Variants in RDH13 observed in about 807,000 individuals in gnomAD.
RDH13 encodes retinol dehydrogenase 13.
A neutral mutation model predicts 28.3 loss-of-function variants in RDH13; 35 were observed. The ratio of observed to expected loss-of-function variants is 1.24; its 90% CI spans 0.95 to 1.64. The LOEUF (loss-of-function observed/expected upper bound fraction) is 1.64, where lower values mean the gene tolerates loss of function less well. Ranked by LOEUF, RDH13 falls within the 40% of genes most tolerant of loss-of-function variation. The probability of loss-of-function intolerance (pLI) is 0.00; values close to 1 mark genes in which losing one functional copy is unlikely to be tolerated. For synonymous variants in RDH13, 229 were observed against 198.5 expected (o/e 1.15, Z -1.29); for missense variants, 514 against 446.3 (o/e 1.15, Z -1.37).
At chr19:55,066,692 T>C (rs2075969257), upstream of RDH13, among the ~76,000 whole-genome samples, 1 of 150,760 alleles carries the variant, frequency 6.6e-6, no homozygotes, top group African/African-American at 2.4e-5. Context: ...TTCCTCTCTC[T>C]CCTTCTTTCT....
At chr19:55,041,594 G>C (rs2075031894), downstream of RDH13, 1 of 152,262 alleles carries the variant, frequency 6.6e-6, no homozygotes, top group African/African-American at 2.4e-5. Flanking sequence ...GGGTTGCCAT[G>C]GCAGAAGATG....
rs528747549 is a variant in RDH13, at chr19:55,056,542, T to C, written c.340+111A>G. 36 of 1,384,494 alleles carry C rather than the reference T, an allele frequency of 2.6e-5. No homozygotes were observed. The South Asian group carries it at 3.3e-4, about 13-fold the overall frequency. The allele number at this position is 1,384,494 out of a possible 1,614,324, so 85.8% of individuals were successfully genotyped here. On this transcript the variant is annotated intron_variant, in intron 3 of 6. Coordinates refer to ENST00000415061, the MANE Select transcript of RDH13 (RefSeq NM_001145971.2). ...GCAACTGGACTTGGCCCCTAACTCATAGTTTGCCAAAACTCTGCTCTAAAG... is the reference window on the plus strand; with the variant it reads ...GCAACTGGACTTGGCCCCTAACTCACAGTTTGCCAAAACTCTGCTCTAAAG...
chr19:55,060,651 G>A (rs1159387283), intron 1 of RDH13, among the ~76,000 whole-genome samples: 1 of 152,080 alleles, frequency 6.6e-6, no homozygotes, highest in Non-Finnish European at 1.5e-5. Context: ...CACCCAACTA[G>A]AAATACCCAC....
intron 3 of RDH13, among the ~76,000 whole-genome samples, chr19:55,053,066 TTGCTTTGTG>T (rs1347799212): frequency 2.6e-5 from 4 of 152,290 alleles, no homozygotes; most frequent in African/African-American, 9.6e-5. Flanking sequence ...CTGGGGCTCT[TTGCTTTGTG>T]TTCTTTCTAG....
intron 5 of RDH13, 98 bp downstream of exon 5, chr19:55,048,231 G>A: frequency 6.4e-7 from 1 of 1,567,410 alleles, no homozygotes; most frequent in Non-Finnish European, 8.6e-7. Flanking sequence ...ACTCTGTTCT[G>A]GATCCACCGT....
At chr19:55,047,922 A>G in intron 5 of RDH13, 1 of 616,578 alleles carries the variant, frequency 1.6e-6, no homozygotes, top group Middle Eastern at 5.3e-4. Flanking sequence ...GCTGTAGGAC[A>G]TTGAGAGCAT....
chr19:55,064,688 C>T (rs1602841099), upstream of RDH13, among the ~76,000 whole-genome samples: 2 of 150,846 alleles, frequency 1.3e-5, no homozygotes, highest in East Asian at 2.0e-4. Flanking sequence ...TCTCAGCTCA[C>T]TGCAACCTCT....
intron 1 of RDH13, among the ~76,000 whole-genome samples, chr19:55,059,633 G>C (rs936084749): frequency 6.6e-6 from 1 of 152,130 alleles, no homozygotes; most frequent in Non-Finnish European, 1.5e-5. Flanking sequence ...TTCGAGTCCA[G>C]CCTGGCAAAC....
At chr19:55,057,276 G>T (rs1236074518) in intron 2 of RDH13, among the ~76,000 whole-genome samples, 1 of 152,120 alleles carries the variant, frequency 6.6e-6, no homozygotes, top group East Asian at 1.9e-4. Flanking sequence ...CAGTGAGCAG[G>T]TTTCTTTCTA....
chr19:55,066,562 T>C (rs201489621), upstream of RDH13, among the ~76,000 whole-genome samples: 2 of 137,118 alleles, frequency 1.5e-5, no homozygotes, highest in Non-Finnish European at 3.2e-5. Flanking sequence ...CCTCTCTCCC[T>C]CTCCCTCCTT....
At chr19:55,043,397 A>G (rs900072047), downstream of RDH13, 2 of 152,180 alleles carry the variant, frequency 1.3e-5, no homozygotes, top group African/African-American at 4.8e-5. Flanking sequence ...TAAAAAAGCA[A>G]AAAGGGCTGG....
At chr19:55,051,555 C>A (rs56957959) in intron 3 of RDH13, among the ~76,000 whole-genome samples, 1 of 126,580 alleles carries the variant, frequency 7.9e-6, no homozygotes, top group East Asian at 2.4e-4. Flanking sequence ...CTCAGCCTCC[C>A]GAGTACTGGG....
Position 55,047,501 on chromosome 19 carries a change from G to T in RDH13, c.659-13C>A, listed in dbSNP as rs756110719. 1.9e-6 allele frequency: 3 copies of T among 1,599,374 alleles called. No homozygotes were observed. The highest frequency in any genetic ancestry group is 3.4e-5 in the Admixed American group (2 of 59,226). The stretch of plus-strand genomic sequence containing the variant: ...GTCACACCAGAGCCTGGGGAAGAAA[G>T]AAAGAGAAGACTGAGGGAGGGGTCC... On this transcript the variant is annotated splice_polypyrimidine_tract_variant and intron_variant, in intron 5 of 6. Coordinates refer to ENST00000415061, the MANE Select transcript of RDH13 (RefSeq NM_001145971.2).
rs11356856 is a variant in RDH13, at chr19:55,045,946, C to CAAAAAA, written c.761-643_761-638dup. Among the ~76,000 whole-genome samples, 333 of 89,358 alleles carry CAAAAAA rather than the reference C, an allele frequency of 3.7e-3. 1 individual carries two copies. Among genetic ancestry groups the CAAAAAA allele is most frequent in the African/African-American group, 0.013 (287 of 22,500 alleles). 58.6% of individuals were successfully genotyped at this position (89,358 alleles called of 152,430 possible). On this transcript the variant is annotated intron_variant, in intron 6 of 6. Transcript: ENST00000415061. ...GGGTGACAATAGCAAGACTTCGTCT[C>CAAAAAA]AAAAAAAAAAAAAAAAAAGGGCTGG...
chr19:55,052,945 A>AGCCACCAT (rs143100180), intron 3 of RDH13, among the ~76,000 whole-genome samples: 4 of 151,116 alleles, frequency 2.6e-5, no homozygotes, highest in African/African-American at 7.3e-5. Context: ...TACAGGCGTG[A>AGCCACCAT]GCCTGCACGC....
chr19:55,053,651 G>A (rs1161026987), intron 3 of RDH13: 5 of 143,002 alleles, frequency 3.5e-5, no homozygotes, highest in South Asian at 2.2e-4. Flanking sequence ...GCAAGATACC[G>A]TCTCAGAAAA....
At chr19:55,051,197 A>G (rs554330432) in intron 3 of RDH13, among the ~76,000 whole-genome samples, 1 of 152,228 alleles carries the variant, frequency 6.6e-6, no homozygotes, top group South Asian at 2.1e-4. Flanking sequence ...CTCGTGAGAG[A>G]ATCTACCCGT....
intron 1 of RDH13, 53 bp from the exon 2 acceptor site, chr19:55,059,328 T>G (rs1234090145): frequency 8.4e-7 from 1 of 1,195,190 alleles, no homozygotes; most frequent in Non-Finnish European, 1.2e-6. Context: ...TCACCCCACG[T>G]GCCCCTGACT....
At chr19:55,053,292 T>TTGATCTTAG (rs1568709242) in intron 3 of RDH13, among the ~76,000 whole-genome samples, 2 of 152,206 alleles carry the variant, frequency 1.3e-5, no homozygotes, top group South Asian at 4.1e-4. Flanking sequence ...TTCCTGGCTG[T>TTGATCTTAG]TGATCTTAGG....
Sources: allele counts gnomAD v4.1 joint callset (sites outside exome capture counted in the v4.1 genomes callset), GRCh38; gene constraint gnomAD v4.1.1; transcripts MANE v1.5; gene names NCBI Gene and HGNC (gene_info 2026-07-23, HGNC 2026-07-21).